DLC1: variants seen among roughly 807,000 people sequenced by gnomAD.
DLC1 encodes the protein DLC1 Rho GTPase activating protein.
Under a neutral mutation model 140.3 loss-of-function variants are expected in DLC1, and 54 were observed. The observed-to-expected ratio is 0.38, with a 90% CI of 0.31 to 0.48. DLC1 has a LOEUF of 0.48. Among genes scored for constraint, DLC1 ranks in the 20% least tolerant of loss-of-function variants. DLC1 has a pLI of 0.96. For synonymous variants in DLC1, 986 were observed against 728.1 expected (o/e 1.35, Z -5.70); for missense variants, 2,536 against 1,907.0 (o/e 1.33, Z -6.14).
At chr8:13,396,200 C>T (rs1187010501) in intron 3 of DLC1, among the ~76,000 whole-genome samples, 2 of 151,852 alleles carry the variant, frequency 1.3e-5, no homozygotes, top group African/African-American at 2.4e-5. Flanking sequence ...GCTGGGATTA[C>T]AGGCGCCCAC....
chr8:13,438,666 C>T (rs1007733671), intron 2 of DLC1, among the ~76,000 whole-genome samples: 1 of 152,118 alleles, frequency 6.6e-6, no homozygotes, highest in East Asian at 1.9e-4. Context: ...GTCCTTCTGC[C>T]GAGGAAACGC....
intron 4 of DLC1, among the ~76,000 whole-genome samples, chr8:13,381,168 G>T (rs1000585724): frequency 3.3e-5 from 5 of 152,156 alleles, no homozygotes; most frequent in Non-Finnish European, 7.3e-5. Flanking sequence ...CTTAAATTTG[G>T]CTGGAAACTG....
At chr8:13,139,949 G>T (rs1312446177) in intron 5 of DLC1, among the ~76,000 whole-genome samples, 1 of 152,138 alleles carries the variant, frequency 6.6e-6, no homozygotes, top group Non-Finnish European at 1.5e-5. Context: ...GTCCAGTCTA[G>T]TAGCATTAAG....
intron 5 of DLC1, among the ~76,000 whole-genome samples, chr8:13,131,855 T>C (rs1822122567): frequency 1.3e-5 from 2 of 152,094 alleles, no homozygotes; most frequent in African/African-American, 4.8e-5. Context: ...TGACCCCGTG[T>C]CCCCTCTCAC....
At chr8:13,553,822 A>C (rs1387826287) in intron 1 of DLC1, among the ~76,000 whole-genome samples, 2 of 152,160 alleles carry the variant, frequency 1.3e-5, no homozygotes, top group Non-Finnish European at 2.9e-5. Context: ...CCGCATTAAA[A>C]ATTCTAATAG....
chr8:13,146,393 T>C (rs1031614997), intron 5 of DLC1, among the ~76,000 whole-genome samples: 1 of 152,150 alleles, frequency 6.6e-6, no homozygotes, highest in Non-Finnish European at 1.5e-5. Flanking sequence ...TCTATTGTAG[T>C]GTTATTATTG....
chr8:13,517,891 A>T (rs1366338570), upstream of DLC1, among the ~76,000 whole-genome samples: 8 of 152,220 alleles, frequency 5.3e-5, no homozygotes, highest in African/African-American at 1.9e-4. Context: ...TAAAGCCATT[A>T]GCTAGAATTA....
At chr8:13,290,946 C>T (rs1240465920) in intron 5 of DLC1, among the ~76,000 whole-genome samples, 1 of 152,108 alleles carries the variant, frequency 6.6e-6, no homozygotes, top group Non-Finnish European at 1.5e-5. Context: ...TTCATTCTCA[C>T]TGCCCAGGCT....
chr8:13,247,395 T>C (rs6995468), intron 5 of DLC1, among the ~76,000 whole-genome samples: 29,714 of 152,192 alleles, frequency 0.2, 3,316 homozygotes, highest in African/African-American at 0.3. Flanking sequence ...TATGCAATTA[T>C]GGTAGTTGTT....
intron 5 of DLC1, among the ~76,000 whole-genome samples, chr8:13,208,979 A>G (rs1398754666): frequency 6.6e-6 from 1 of 152,160 alleles, no homozygotes; most frequent in Admixed American, 6.5e-5. Context: ...ATTTTAGTTG[A>G]TGTTATAGAA....
Position 13,143,846 on chromosome 8 carries a change from G to GAGAGAGAGAGAC in DLC1, c.1349-28190_1349-28189insGTCTCTCTCTCT, listed in dbSNP as rs1476183797. On this transcript the variant is annotated intron_variant, in intron 5 of 17. Transcript: ENST00000276297. Reference sequence around the variant, plus strand: ...AGAGAGAGAGAGAGAGAGAGAGAGAGAGAGAGACATAGACATGCCAAGGTT... The same window carrying GAGAGAGAGAGAC: ...AGAGAGAGAGAGAGAGAGAGAGAGAGAGAGAGAGAGACAGAGAGACATAGACATGCCAAGGTT... Among the ~76,000 whole-genome samples, 213 of 148,490 alleles carry GAGAGAGAGAGAC rather than the reference G, an allele frequency of 1.4e-3. 1 individual carries two copies. The highest frequency in any genetic ancestry group is 2.2e-3 in the African/African-American group (91 of 40,492).
At chr8:13,418,565 T>C (rs1838176161) in intron 2 of DLC1, among the ~76,000 whole-genome samples, 1 of 152,186 alleles carries the variant, frequency 6.6e-6, no homozygotes, top group African/African-American at 2.4e-5. Flanking sequence ...TTGTGTTCCA[T>C]TGATCTATAT....
intron 5 of DLC1, among the ~76,000 whole-genome samples, chr8:13,178,459 C>G (rs562834270): frequency 2.7e-4 from 41 of 151,772 alleles, no homozygotes; most frequent in African/African-American, 9.9e-4. Flanking sequence ...CTAGTTCCAC[C>G]TACTCAGGAG....
At chr8:13,102,989 T>C (rs1341515867) in intron 7 of DLC1, 136 bp from the exon 8 acceptor site, 2 of 707,066 alleles carry the variant, frequency 2.8e-6, no homozygotes, top group African/African-American at 1.8e-5. Flanking sequence ...AGAGGAGTAT[T>C]AGAAACTTAT....
chr8:13,233,919 A>T (rs1034046343), intron 5 of DLC1, among the ~76,000 whole-genome samples: 3 of 152,188 alleles, frequency 2.0e-5, no homozygotes, highest in African/African-American at 7.2e-5. Flanking sequence ...TGTTTCTCTG[A>T]GGCTAGTATA....
At chr8:13,337,722 C>T (rs73564699) in intron 4 of DLC1, among the ~76,000 whole-genome samples, 11,385 of 152,212 alleles carry the variant, frequency 0.075, 500 homozygotes, top group South Asian at 0.093. Flanking sequence ...TCTTTCCCAT[C>T]CGTTTTGGTA....
intron 4 of DLC1, chr8:13,341,072 A>G (rs1834022285): frequency 6.6e-6 from 1 of 152,184 alleles, no homozygotes; most frequent in Non-Finnish European, 1.5e-5. Flanking sequence ...GATTTGAAGG[A>G]AGGATTTAAA....
At chr8:13,141,603 T>C (rs1822997917) in intron 5 of DLC1, among the ~76,000 whole-genome samples, 1 of 152,128 alleles carries the variant, frequency 6.6e-6, no homozygotes, top group Non-Finnish European at 1.5e-5. Context: ...TAAGATGCTA[T>C]GGGGTGGGTT....
At chr8:13,259,464 T>C (rs1830394487) in intron 5 of DLC1, among the ~76,000 whole-genome samples, 1 of 152,220 alleles carries the variant, frequency 6.6e-6, no homozygotes, top group Non-Finnish European at 1.5e-5. Flanking sequence ...TGATAGATCC[T>C]GAAAGTTCAT....
Sources: gnomAD v4.1 joint callset for allele counts (sites outside exome capture counted in the v4.1 genomes callset) on GRCh38, gnomAD v4.1.1 for gene constraint, MANE v1.5 for transcripts, NCBI Gene and HGNC (gene_info 2026-07-23, HGNC 2026-07-21) for gene names.